The following CACNA1I variants were observed in gnomAD, a reference collection of about 807,000 sequenced individuals.
CACNA1I encodes the protein calcium voltage-gated channel subunit alpha1 I, also known as voltage-dependent T-type calcium channel subunit alpha-1I.
A neutral mutation model predicts 201.6 loss-of-function variants in CACNA1I; 74 were observed. The observed-to-expected ratio is 0.37, with a 90% CI of 0.30 to 0.45. The LOEUF (loss-of-function observed/expected upper bound fraction) is 0.45. Among genes scored for constraint, CACNA1I ranks in the 20% least tolerant of loss-of-function variants. The pLI is 1.00. For missense variants in CACNA1I, 2,346 were observed against 3,138.1 expected (o/e 0.75, Z 6.03); for synonymous variants, 1,431 against 1,345.2 (o/e 1.06, Z -1.40).
chr22:39,667,588 G>A (rs1007703939), intron 23 of CACNA1I, among the ~76,000 whole-genome samples: 1 of 152,108 alleles, frequency 6.6e-6, no homozygotes, highest in Non-Finnish European at 1.5e-5. Flanking sequence ...CTGTGTGCAA[G>A]GTTCTGTGCT....
rs916138403 is a variant in CACNA1I at position 39,676,588 on chromosome 22, G to A, written c.4855-753G>A. Among the ~76,000 whole-genome samples, 5 of 152,178 alleles carry A rather than the reference G, an allele frequency of 3.3e-5. No individual in the cohort carries two copies. The highest frequency in any genetic ancestry group is 2.1e-4 in the South Asian group (1 of 4,830). On this transcript the variant is annotated intron_variant, in intron 29 of 36. Transcript: ENST00000402142. This position sits in a 1 kb window ranked among gnomAD's most constrained non-coding sequence, Gnocchi z 4.8. ...TTGAACTAGGTTTGGAATCTGGGAC[G>A]CTTTCTCCCACAGGAGCTGTGGGAT...
intron 1 of CACNA1I, among the ~76,000 whole-genome samples, chr22:39,588,384 T>TC (rs1488117328): frequency 3.1e-5 from 4 of 129,330 alleles, no homozygotes; most frequent in African/African-American, 1.2e-4. Context: ...TTTCTTTCTT[T>TC]CTTTTTTTTT....
Position 39,619,385 on chromosome 22 carries a change from C to T in CACNA1I, c.558C>T (p.Leu186=). The part of the protein sequence containing the change: ...AIRTVRVLRP[L]KAINRVPSMR... ...GCACCGTGCGCGTCCTGAGGCCCCT[C>T]AAAGCCATCAACCGCGTGCCCAGTG... The change falls in exon 4 of 37, where the codon CTC becomes CTT. Residue 186 remains leucine (L), a synonymous_variant. Coordinates refer to ENST00000402142, the MANE Select transcript of CACNA1I (RefSeq NM_021096.4). 3 of 1,608,810 alleles carry T rather than the reference C, an allele frequency of 1.9e-6. No homozygotes were observed. Among genetic ancestry groups the T allele is most frequent in the Non-Finnish European group, 2.5e-6 (3 of 1,179,682 alleles).
intron 4 of CACNA1I, among the ~76,000 whole-genome samples, chr22:39,621,547 G>A (rs1933743702): frequency 6.6e-6 from 1 of 152,234 alleles, no homozygotes; most frequent in African/African-American, 2.4e-5. Context: ...AGGTGACCAG[G>A]AGGGTGGCAG....
rs201315417 is a variant in CACNA1I, at chr22:39,673,099, G to T, written c.4783+17G>T. 9.9e-6 allele frequency: 16 copies of T among 1,610,240 alleles called. No homozygotes were observed. The Admixed American group carries it at 2.5e-4, about 25-fold the overall frequency. On this transcript the variant is annotated intron_variant, in intron 28 of 36. Transcript: ENST00000402142. ...TTGCCCGAGGTGAGGGGCAAGGGGT[G>T]GGACAGGGAACGGGGACAAGCAGGG...
chr22:39,624,283 T>C (rs1297718685), intron 4 of CACNA1I, among the ~76,000 whole-genome samples: 1 of 152,122 alleles, frequency 6.6e-6, no homozygotes, highest in Non-Finnish European at 1.5e-5. Context: ...GGGGAGTTCA[T>C]TAAGCTGCTC....
chr22:39,630,032 A>G (rs1934013647), intron 4 of CACNA1I, among the ~76,000 whole-genome samples: 1 of 151,808 alleles, frequency 6.6e-6, no homozygotes, highest in Non-Finnish European at 1.5e-5. Flanking sequence ...CCCCAGCCGC[A>G]TGGTCTCCTT....
intron 10 of CACNA1I, among the ~76,000 whole-genome samples, chr22:39,653,551 G>A (rs1311576466): frequency 6.6e-6 from 1 of 152,158 alleles, no homozygotes; most frequent in Non-Finnish European, 1.5e-5. Context: ...GGAGGAGAGG[G>A]TGGGTGAACT....
Position 39,665,627 on chromosome 22 carries a change from G to A in CACNA1I, c.3978+3G>A. The A allele has an allele frequency of 6.2e-7, 1 of 1,613,678 alleles. No individual in the cohort carries two copies. The highest frequency in any genetic ancestry group is 8.5e-7 in the Non-Finnish European group (1 of 1,179,710). ...TCTTTGGCATCCTGGGAGTGCAGGT[G>A]AGGGGTGCCCAGTCTGGGCAGGGAC... On this transcript the variant is annotated splice_donor_region_variant and intron_variant, in intron 22 of 36. Coordinates refer to ENST00000402142, the MANE Select transcript of CACNA1I (RefSeq NM_021096.4). The surrounding 1 kb of genome is among the most constrained non-coding windows in gnomAD (Gnocchi z 5.5).
At chr22:39,591,416 C>T (rs1450763751) in intron 1 of CACNA1I, among the ~76,000 whole-genome samples, 3 of 151,990 alleles carry the variant, frequency 2.0e-5, no homozygotes, top group African/African-American at 7.3e-5. Context: ...CTCACCCCGG[C>T]CTCCCAAAGT....
chr22:39,660,933 G>A (rs1934986541), intron 15 of CACNA1I, among the ~76,000 whole-genome samples, 175 bp from the exon 16 acceptor site: 2 of 152,258 alleles, frequency 1.3e-5, no homozygotes, highest in Middle Eastern at 3.4e-3. Context: ...CAGGTGGGGC[G>A]AAGGGGAGGC....
chr22:39,670,273 G>A, intron 25 of CACNA1I, 43 bp downstream of exon 25: 1 of 1,587,440 alleles, frequency 6.3e-7, no homozygotes, highest in Non-Finnish European at 8.6e-7. Context: ...CCAGCTCTAA[G>A]CCCTTCTGCC....
At chr22:39,664,699 C>A in intron 20 of CACNA1I, 40 bp from the exon 21 acceptor site, 1 of 1,000,296 alleles carries the variant, frequency 1.0e-6, no homozygotes, top group Non-Finnish European at 1.5e-6. Context: ...CTGCCCGCCC[C>A]TCCCGCGGCA....
chr22:39,648,356 G>C lies in CACNA1I; in HGVS notation c.1567+430G>C, dbSNP rs1231959954. Among the ~76,000 whole-genome samples, 2 of 152,310 alleles carry C rather than the reference G, an allele frequency of 1.3e-5. No homozygotes were observed. Among genetic ancestry groups the C allele is most frequent in the African/African-American group, 2.4e-5 (1 of 41,596 alleles). On this transcript the variant is annotated intron_variant, in intron 9 of 36. Coordinates refer to ENST00000402142, the MANE Select transcript of CACNA1I (RefSeq NM_021096.4). The surrounding 1 kb of genome is among the most constrained non-coding windows in gnomAD (Gnocchi z 5.4). ...TGGTGTTGCTGGAGGACGTGGGGGA[G>C]AAGTGTTCACTCCAACGGGCTTCCT...
In CACNA1I at chr22:39,679,270, C is replaced by T. The variant is rs898113148; in HGVS notation, c.5219C>T (p.Ala1740Val). 2.5e-6 allele frequency: 4 copies of T among 1,580,650 alleles called. No homozygotes were observed. The highest frequency in any genetic ancestry group is 3.4e-6 in the Non-Finnish European group (4 of 1,164,258). ...MKHLDDSNKE[A>V]QEDAEMDAEL... is the part of the protein sequence containing the mutation. Reference sequence around the variant, plus strand: ...CACCTGGACGACAGCAACAAGGAGGCGCAGGAGGACGCCGAGATGGATGCC... The same window carrying T: ...CACCTGGACGACAGCAACAAGGAGGTGCAGGAGGACGCCGAGATGGATGCC... Residue 1740 changes from alanine (A) to valine (V), a missense_variant, in exon 32 of 37, where the codon GCG (alanine) becomes GTG (valine). By Grantham distance (64) the Ala-to-Val change is moderately conservative (BLOSUM62 0). This residue lies in a region of CACNA1I where 441 missense variants were observed against 555.6 expected (regional missense o/e 0.79). Coordinates refer to ENST00000402142, the MANE Select transcript of CACNA1I (RefSeq NM_021096.4).
Position 39,686,460 on chromosome 22 carries a change from T to G in CACNA1I, c.*55T>G, listed in dbSNP as rs1935882888. On this transcript the variant is annotated 3_prime_UTR_variant, in exon 37 of 37. Coordinates refer to ENST00000402142, the MANE Select transcript of CACNA1I (RefSeq NM_021096.4). ...CCCGCCCCGTCTCACCTTCTTTACC[T>G]CAGGAGCCAGGAGCAGACAGCAATA... 8.7e-7 allele frequency: 1 copy of G among 1,155,518 alleles called. No homozygotes were observed. The allele number at this position is 1,155,518 out of a possible 1,614,324, so 71.6% of individuals were successfully genotyped here.
chr22:39,686,603 T>G lies in CACNA1I; in HGVS notation c.*198T>G, dbSNP rs926975423. The G allele has an allele frequency of 7.6e-6, 1 of 131,850 alleles. No individual in the cohort carries two copies. The highest frequency in any genetic ancestry group is 1.4e-5 in the Non-Finnish European group (1 of 72,102). The allele number at this position is 131,850 out of a possible 1,614,324, so 8.2% of individuals were successfully genotyped here. On this transcript the variant is annotated 3_prime_UTR_variant, in exon 37 of 37. Coordinates refer to ENST00000402142, the MANE Select transcript of CACNA1I (RefSeq NM_021096.4). The stretch of plus-strand genomic sequence containing the variant: ...CCCATGGTGGCCCTTCCAGTGCATA[T>G]ACATACATATATATATATATATGCA...
chr22:39,633,375 G>A (rs1934117226), intron 4 of CACNA1I, among the ~76,000 whole-genome samples: 1 of 152,202 alleles, frequency 6.6e-6, no homozygotes, highest in Non-Finnish European at 1.5e-5. Flanking sequence ...ATATTGATAT[G>A]GATGGAACCT....
intron 2 of CACNA1I, 108 bp downstream of exon 2, chr22:39,598,370 A>ACTCCATGCCCCGCCCC: frequency 1.9e-6 from 1 of 535,304 alleles, no homozygotes; most frequent in African/African-American, 3.2e-5. Context: ...TGCCCCGCCC[A>ACTCCATGCCCCGCCCC]CTCCATGCCC....
Sources: gnomAD v4.1 joint callset for allele counts (sites outside exome capture counted in the v4.1 genomes callset) on GRCh38, gnomAD v4.1.1 for gene constraint, gnomAD v4.1.1 regional missense constraint, Gnocchi (gnomAD v3.1) non-coding constraint, MANE v1.5 for transcripts, NCBI Gene and HGNC (gene_info 2026-07-23, HGNC 2026-07-21) for gene names.